The following LRFN2 variants were observed in gnomAD, a reference collection of about 807,000 sequenced individuals.
LRFN2 encodes the protein leucine rich repeat and fibronectin type III domain containing 2, also known as leucine-rich repeat and fibronectin type-III domain-containing protein 2.
A neutral mutation model predicts 37.3 loss-of-function variants in LRFN2; 18 were observed. The observed-to-expected ratio is 0.48, with a 90% CI of 0.33 to 0.72. LRFN2 has a LOEUF of 0.72. LRFN2 is among the 30% of genes least tolerant of loss of function. The pLI is 0.02. For synonymous variants in LRFN2, 556 were observed against 466.6 expected (o/e 1.19, Z -2.47); for missense variants, 1,006 against 1,060.7 (o/e 0.95, Z 0.72).
chr6:40,505,632 C>T (rs777558444), intron 1 of LRFN2, among the ~76,000 whole-genome samples: 8 of 152,182 alleles, frequency 5.3e-5, no homozygotes, highest in Non-Finnish European at 8.8e-5. Flanking sequence ...TACCCCTCAT[C>T]GTGGGGTGGA....
chr6:40,399,268 C>T (rs112038451), intron 2 of LRFN2, among the ~76,000 whole-genome samples: 4,060 of 151,462 alleles, frequency 0.027, 139 homozygotes, highest in African/African-American at 0.065. Flanking sequence ...GGGTGGGTGG[C>T]GGTGGCTCCC....
intron 1 of LRFN2, among the ~76,000 whole-genome samples, chr6:40,559,249 C>T (rs189355556): frequency 6.6e-6 from 1 of 152,264 alleles, no homozygotes; most frequent in Admixed American, 6.5e-5. Flanking sequence ...AAGAGCCCGG[C>T]AGTGAGCCTT....
chr6:40,436,168 A>G (rs1763669023), intron 1 of LRFN2, among the ~76,000 whole-genome samples: 1 of 152,222 alleles, frequency 6.6e-6, no homozygotes, highest in South Asian at 2.1e-4. Context: ...TTTATTTTAC[A>G]AACTCTTCAA....
intron 1 of LRFN2, among the ~76,000 whole-genome samples, chr6:40,452,790 GAGGTCACACAAAGAGA>G (rs555729033): frequency 3.8e-4 from 58 of 152,272 alleles, no homozygotes; most frequent in African/African-American, 1.3e-3. Context: ...ACACAGAGAG[GAGGTCACACAAAGAGA>G]AGGTCACACA....
At chr6:40,553,425 C>G (rs1446221278) in intron 1 of LRFN2, among the ~76,000 whole-genome samples, 1 of 152,180 alleles carries the variant, frequency 6.6e-6, no homozygotes, top group African/African-American at 2.4e-5. Flanking sequence ...TGGATACTCT[C>G]TAAGTGAAGG....
At chr6:40,522,761 C>T (rs1245171446) in intron 1 of LRFN2, among the ~76,000 whole-genome samples, 1 of 152,182 alleles carries the variant, frequency 6.6e-6, no homozygotes, top group Non-Finnish European at 1.5e-5. Flanking sequence ...TAGAACCAGG[C>T]AGCTGCATCT....
rs1019863544 is a variant in LRFN2 at position 40,400,967 on chromosome 6, T to A, written c.1401-8055A>T. On this transcript the variant is annotated intron_variant, in intron 2 of 2. Coordinates refer to ENST00000338305, the MANE Select transcript of LRFN2 (RefSeq NM_020737.3). ...TGGTCCTAGGCAATGTTAGTCATTG[T>A]TCTGCCCCTCTTTCAACCAACCCCC... is the stretch of plus-strand genomic sequence containing the variant. 2.0e-5 allele frequency among the ~76,000 whole-genome samples: 3 copies of A among 151,658 alleles called. No homozygotes were observed. In the East Asian group the frequency reaches 5.8e-4, roughly 29 times the overall value.
At chr6:40,528,648 C>T (rs866555264) in intron 1 of LRFN2, among the ~76,000 whole-genome samples, 63 of 152,192 alleles carry the variant, frequency 4.1e-4, no homozygotes, top group African/African-American at 1.3e-3. Flanking sequence ...ACAATACTTT[C>T]AACTTACGAT....
At chr6:40,452,900 C>T (rs1418998588) in intron 1 of LRFN2, among the ~76,000 whole-genome samples, 1 of 152,142 alleles carries the variant, frequency 6.6e-6, no homozygotes, top group African/African-American at 2.4e-5. Flanking sequence ...ACACAAGGAA[C>T]CTTAGAAAGA....
intron 1 of LRFN2, among the ~76,000 whole-genome samples, chr6:40,440,021 C>T (rs1581706999): frequency 6.6e-6 from 1 of 152,138 alleles, no homozygotes; most frequent in East Asian, 1.9e-4. Flanking sequence ...CAAGAACATT[C>T]CCTGTTCTTT....
chr6:40,549,042 A>T (rs1489392031), intron 1 of LRFN2, among the ~76,000 whole-genome samples: 1 of 152,222 alleles, frequency 6.6e-6, no homozygotes, highest in Non-Finnish European at 1.5e-5. Context: ...GGATGCGGAA[A>T]TAATTGACCC....
intron 1 of LRFN2, among the ~76,000 whole-genome samples, chr6:40,505,256 G>A (rs966139602): frequency 3.3e-5 from 5 of 152,306 alleles, no homozygotes; most frequent in African/African-American, 1.2e-4. Context: ...TAGCCTCATA[G>A]CCAGTCTAAT....
intron 1 of LRFN2, among the ~76,000 whole-genome samples, chr6:40,525,816 A>T (rs955326105): frequency 2.0e-5 from 3 of 152,080 alleles, no homozygotes; most frequent in African/African-American, 4.8e-5. Context: ...CAACCTGGAC[A>T]ATCTTGCTTT....
At chr6:40,568,227 C>T (rs1767124020) in intron 1 of LRFN2, among the ~76,000 whole-genome samples, 1 of 152,188 alleles carries the variant, frequency 6.6e-6, no homozygotes, top group South Asian at 2.1e-4. Context: ...GGGAAAATAA[C>T]CCCAGGCCTG....
At chr6:40,508,578 T>C (rs1361533521) in intron 1 of LRFN2, among the ~76,000 whole-genome samples, 1 of 152,222 alleles carries the variant, frequency 6.6e-6, no homozygotes, top group Non-Finnish European at 1.5e-5. Context: ...TACTGCATAC[T>C]AGTGGGTCAC....
intron 1 of LRFN2, among the ~76,000 whole-genome samples, chr6:40,556,871 C>T (rs1487847881): frequency 1.3e-5 from 2 of 152,098 alleles, no homozygotes; most frequent in East Asian, 3.9e-4. Flanking sequence ...AGGCCATGGC[C>T]ACCAATGCTT....
intron 1 of LRFN2, among the ~76,000 whole-genome samples, chr6:40,453,967 G>A (rs1764179039): frequency 6.6e-6 from 1 of 152,138 alleles, no homozygotes; most frequent in Non-Finnish European, 1.5e-5. Context: ...GTCCCTGTGT[G>A]GTTTTTGTGC....
At chr6:40,464,328 T>C (rs1021034848) in intron 1 of LRFN2, among the ~76,000 whole-genome samples, 2 of 152,202 alleles carry the variant, frequency 1.3e-5, no homozygotes, top group Non-Finnish European at 2.9e-5. Flanking sequence ...AGTTCATGTG[T>C]TGGAAACTTA....
At chr6:40,515,892 C>CAAAAAA (rs71543993) in intron 1 of LRFN2, among the ~76,000 whole-genome samples, 7 of 91,728 alleles carry the variant, frequency 7.6e-5, no homozygotes, top group Admixed American at 1.2e-4. Context: ...GACTCCATAT[C>CAAAAAA]AAAAAAAAAA....
Sources: allele counts gnomAD v4.1 joint callset (sites outside exome capture counted in the v4.1 genomes callset), GRCh38; gene constraint gnomAD v4.1.1; transcripts MANE v1.5; gene names NCBI Gene and HGNC (gene_info 2026-07-23, HGNC 2026-07-21).